Variants in ZNF420 observed in about 807,000 individuals in gnomAD.
ZNF420 encodes the protein zinc finger protein 420.
Under a neutral mutation model 44.7 loss-of-function variants are expected in ZNF420, and 31 were observed. That is an observed-to-expected ratio of 0.69 (90% confidence interval 0.52 to 0.94). The LOEUF is 0.94. Among genes scored for constraint, ZNF420 ranks in the 40% least tolerant of loss-of-function variants. The pLI is 0.00. For missense variants in ZNF420, 681 were observed against 827.9 expected, an observed-to-expected ratio of 0.82 and a Z score of 2.18; for synonymous variants, 245 against 267.4, an observed-to-expected ratio of 0.92 and a Z score of 0.82.
intron 1 of ZNF420, among the ~76,000 whole-genome samples, chr19:37,042,813 GC>G (rs1280379944): frequency 1.3e-5 from 2 of 152,110 alleles, no homozygotes; most frequent in African/African-American, 4.8e-5. Context: ...TTTCAACATG[GC>G]CTTCCTCATT....
chr19:37,015,798 A>G (rs1769961915), intron 1 of ZNF420, among the ~76,000 whole-genome samples: 1 of 152,186 alleles, frequency 6.6e-6, no homozygotes, highest in South Asian at 2.1e-4. Context: ...TTGGACTGCA[A>G]ACTGTGGCCT....
At chr19:37,054,542 A>C (rs1037933629) in intron 1 of ZNF420, among the ~76,000 whole-genome samples, 4 of 152,260 alleles carry the variant, frequency 2.6e-5, no homozygotes, top group African/African-American at 9.6e-5. Context: ...TATGAAGACA[A>C]AACCACAGTG....
At chr19:37,113,106 G>A (rs997967405) in intron 4 of ZNF420, among the ~76,000 whole-genome samples, 14 of 152,174 alleles carry the variant, frequency 9.2e-5, no homozygotes, top group African/African-American at 3.4e-4. Context: ...TTGTTGCGGG[G>A]CCTGAGGCTG....
In ZNF420 at chr19:37,127,240, G is replaced by T. The variant is rs530116811; in HGVS notation, c.249G>T (p.Glu83Asp). The part of the protein sequence containing the change: ...SDRLENCDLE[E>D]SNSRDYLEAK... ...GACTTGAAAACTGTGATCTTGAAGAGTCCAATTCCAGGGATTATTTGGAAG... is the reference window on the plus strand; with the variant it reads ...GACTTGAAAACTGTGATCTTGAAGATTCCAATTCCAGGGATTATTTGGAAG... The change falls in exon 5 of 5, where the codon GAG becomes GAT. Residue 83 changes from glutamate to aspartate, a missense_variant. By Grantham distance (45) the Glu-to-Asp change is conservative. Coordinates refer to ENST00000337995, the MANE Select transcript of ZNF420 (RefSeq NM_144689.5). The T allele has an allele frequency of 6.2e-7, 1 of 1,613,316 alleles. No individual in the cohort carries two copies. The highest frequency in any genetic ancestry group is 1.3e-5 in the African/African-American group (1 of 74,978).
intron 1 of ZNF420, among the ~76,000 whole-genome samples, chr19:37,054,112 C>G (rs1449956887): frequency 6.6e-6 from 1 of 152,178 alleles, no homozygotes; most frequent in Admixed American, 6.5e-5. Context: ...CTCAGACTGC[C>G]GTGCTAGCAA....
chr19:37,095,586 AT>A (rs1324069192), intron 4 of ZNF420, among the ~76,000 whole-genome samples: 3 of 151,186 alleles, frequency 2.0e-5, no homozygotes, highest in Non-Finnish European at 4.4e-5. Flanking sequence ...TATTGGTTTT[AT>A]TTTTTTCTTT....
chr19:37,040,812 G>C (rs1967439420), intron 1 of ZNF420, among the ~76,000 whole-genome samples: 1 of 152,082 alleles, frequency 6.6e-6, no homozygotes, highest in Non-Finnish European at 1.5e-5. Context: ...TCTAGAAACA[G>C]CTGCCTTTAA....
rs190353345 is a variant in ZNF420 at position 37,063,360 on chromosome 19, C to T, written c.-124-16985C>T. ...CTGTGGCTAGTGAGCTTTATCTCTC[C>T]CTTTCCCAGGCATTGTGAAGACCCG... On this transcript the variant is annotated intron_variant, in intron 1 of 4. Transcript: ENST00000587029. 6.6e-5 allele frequency among the ~76,000 whole-genome samples: 10 copies of T among 152,214 alleles called. No individual in the cohort carries two copies. The East Asian group carries it at 1.7e-3, about 26-fold the overall frequency.
chr19:37,074,835 G>A (rs1968119721), upstream of ZNF420, among the ~76,000 whole-genome samples: 1 of 152,178 alleles, frequency 6.6e-6, no homozygotes, highest in Non-Finnish European at 1.5e-5. Flanking sequence ...GGTCCAAAAT[G>A]TTAAAAACTG....
At chr19:37,093,898 G>A (rs904854289) in intron 4 of ZNF420, among the ~76,000 whole-genome samples, 9 of 152,076 alleles carry the variant, frequency 5.9e-5, no homozygotes, top group Admixed American at 5.2e-4. Context: ...TCTTGGGGGT[G>A]AAAAAATGTT....
intron 2 of ZNF420, among the ~76,000 whole-genome samples, chr19:37,088,716 GC>G (rs1200763550): frequency 6.6e-6 from 1 of 152,042 alleles, no homozygotes; most frequent in African/African-American, 2.4e-5. Context: ...AATTATTTGT[GC>G]CTTCTAATGT....
At chr19:37,058,119 A>G (rs566263059) in intron 1 of ZNF420, among the ~76,000 whole-genome samples, 17 of 152,210 alleles carry the variant, frequency 1.1e-4, no homozygotes, top group South Asian at 1.0e-3. Context: ...GTCTGGCTCA[A>G]TGTCTTCAAC....
At chr19:37,058,515 G>A (rs961856242) in intron 1 of ZNF420, among the ~76,000 whole-genome samples, 18 of 152,170 alleles carry the variant, frequency 1.2e-4, no homozygotes, top group Admixed American at 1.1e-3. Flanking sequence ...GGGTGCAGGG[G>A]AGGTTGCCTC....
At chr19:37,119,681 A>G (rs1246779462) in intron 4 of ZNF420, among the ~76,000 whole-genome samples, 1 of 152,230 alleles carries the variant, frequency 6.6e-6, no homozygotes. Flanking sequence ...TAATGAATCC[A>G]GGAGCTGGTT....
intron 1 of ZNF420, among the ~76,000 whole-genome samples, chr19:37,043,040 A>G (rs1208721970): frequency 1.3e-5 from 2 of 152,214 alleles, no homozygotes; most frequent in African/African-American, 4.8e-5. Context: ...TTGCCATCGT[A>G]TAGGGACCTG....
At chr19:37,098,809 T>C (rs1003477032) in intron 4 of ZNF420, among the ~76,000 whole-genome samples, 2 of 152,180 alleles carry the variant, frequency 1.3e-5, no homozygotes, top group Non-Finnish European at 2.9e-5. Context: ...TATCTAACTA[T>C]AACTTTGTAC....
chr19:37,024,503 G>C (rs2074670875), intron 1 of ZNF420, among the ~76,000 whole-genome samples: 1 of 152,098 alleles, frequency 6.6e-6, no homozygotes, highest in Non-Finnish European at 1.5e-5. Flanking sequence ...AGGCTGGGGT[G>C]CAGTGGTGCA....
rs17304751 is a variant in ZNF420 at position 37,029,400 on chromosome 19, A to T, written c.-125+21318A>T. On this transcript the variant is annotated intron_variant, in intron 1 of 4. Transcript: ENST00000587029. ...TATTGCACATTTACATTTATAATGC[A>T]TACATAAAATTCAATTCAATAGGTA... is the stretch of plus-strand genomic sequence containing the variant. Among the ~76,000 whole-genome samples, 940 of 152,324 alleles carry T rather than the reference A, an allele frequency of 6.2e-3. 28 individuals carry two copies. Among genetic ancestry groups the T allele is most frequent in the East Asian group, 0.05 (258 of 5,188 alleles).
chr19:37,105,996 C>T (rs1970060278), intron 4 of ZNF420, among the ~76,000 whole-genome samples: 2 of 152,170 alleles, frequency 1.3e-5, no homozygotes, highest in Admixed American at 6.5e-5. Context: ...ATTTGACTTC[C>T]TCTTTTCCTA....
Sources: gnomAD v4.1 joint callset for allele counts (sites outside exome capture counted in the v4.1 genomes callset) on GRCh38, gnomAD v4.1.1 for gene constraint, MANE v1.5 for transcripts, NCBI Gene and HGNC (gene_info 2026-07-23, HGNC 2026-07-21) for gene names.